Variants in CACNA1C observed in about 807,000 individuals in gnomAD.
The protein encoded by CACNA1C is calcium voltage-gated channel subunit alpha1 C, also known as voltage-dependent L-type calcium channel subunit alpha-1C.
In CACNA1C, 30 loss-of-function variants were observed where a neutral mutation model predicts 229.0. The observed-to-expected ratio is 0.13, with a 90% CI of 0.10 to 0.18. CACNA1C has a LOEUF of 0.18. CACNA1C is among the 10% of genes least tolerant of loss of function. The pLI is 1.00. For missense variants in CACNA1C, 1,658 were observed against 2,845.0 expected, an observed-to-expected ratio of 0.58 and a Z score of 9.49; for synonymous variants, 1,114 against 1,132.5, an observed-to-expected ratio of 0.98 and a Z score of 0.33.
At position 2,486,363 on chromosome 12, in the gene CACNA1C, G is replaced by A. The variant is rs1007966014; in HGVS notation, c.916+101G>A. Reference sequence around the variant, plus strand: ...ACCAACATGACCAGCAGAGCCCAGGGAAGGCCCCATTCATTCAGACACACA... The same window carrying A: ...ACCAACATGACCAGCAGAGCCCAGGAAAGGCCCCATTCATTCAGACACACA... On this transcript the variant is annotated intron_variant, in intron 6 of 46. Transcript: ENST00000399655. This position sits in a 1 kb window ranked among gnomAD's most constrained non-coding sequence, Gnocchi z 4.9. 8.4e-6 allele frequency: 8 copies of A among 957,172 alleles called. No homozygotes were observed. The highest frequency in any genetic ancestry group is 1.6e-5 in the African/African-American group (1 of 61,356). 59.3% of individuals were successfully genotyped at this position (957,172 alleles called of 1,614,324 possible).
At position 2,397,519 on chromosome 12, in the gene CACNA1C, C is replaced by A. The variant is rs147252434; in HGVS notation, c.478-51457C>A. ...GAGGCGGCACCTACATTCAGACTCT[C>A]ATTGCTCTTGATTGACTGGGTGGCC... On this transcript the variant is annotated intron_variant, in intron 3 of 46. Transcript: ENST00000399655. 4.1e-4 allele frequency among the ~76,000 whole-genome samples: 63 copies of A among 152,264 alleles called. 1 individual carries two copies. Among genetic ancestry groups the A allele is most frequent in the Non-Finnish European group, 1.8e-4 (12 of 68,046 alleles).
At chr12:2,684,363 A>C (rs16929915) in intron 43 of CACNA1C, among the ~76,000 whole-genome samples, 3,086 of 152,322 alleles carry the variant, frequency 0.02, 107 homozygotes, top group African/African-American at 0.069. Flanking sequence ...AAACACGGTC[A>C]ATATAAAAAA....
At chr12:2,064,286 T>G (rs1020543447) in intron 1 of CACNA1C, among the ~76,000 whole-genome samples, 1 of 152,248 alleles carries the variant, frequency 6.6e-6, no homozygotes, top group Non-Finnish European at 1.5e-5. Context: ...TTAGTCTGTC[T>G]CTGTCTCTCC....
intron 3 of CACNA1C, among the ~76,000 whole-genome samples, chr12:2,185,643 G>A (rs2154289495): frequency 6.6e-6 from 1 of 152,330 alleles, no homozygotes; most frequent in Non-Finnish European, 1.5e-5. Context: ...GCAACTGCAA[G>A]CCATGGCGGG....
chr12:2,149,168 A>G (rs1241235962), intron 3 of CACNA1C, among the ~76,000 whole-genome samples: 1 of 152,158 alleles, frequency 6.6e-6, no homozygotes, highest in Non-Finnish European at 1.5e-5. Flanking sequence ...GAACTCACAA[A>G]GGATGTTGAG....
At chr12:2,650,146 T>C (rs2094797012) in intron 31 of CACNA1C, among the ~76,000 whole-genome samples, 1 of 152,054 alleles carries the variant, frequency 6.6e-6, no homozygotes, top group South Asian at 2.1e-4. Context: ...ATAAGAAATA[T>C]TTTTGCTCTT....
chr12:2,256,091 C>CCTGACCTTACTAGTTTACAATCACACGA (rs1308467043), intron 3 of CACNA1C, among the ~76,000 whole-genome samples: 2 of 2,954 alleles, frequency 6.8e-4, no homozygotes, highest in African/African-American at 2.2e-3. Context: ...ACAATCACAC[C>CCTGACCTTACTAGTTTACAATCACACGA]TCCTGTTTCT....
chr12:2,404,644 T>C (rs2098715719), intron 3 of CACNA1C, among the ~76,000 whole-genome samples: 1 of 152,180 alleles, frequency 6.6e-6, no homozygotes, highest in South Asian at 2.1e-4. Context: ...CCCAGCCAGA[T>C]GCATGGGGGG....
chr12:2,684,202 T>C (rs1569256068), intron 43 of CACNA1C, among the ~76,000 whole-genome samples: 1 of 152,070 alleles, frequency 6.6e-6, no homozygotes, highest in Non-Finnish European at 1.5e-5. Context: ...TTCCCCAGCA[T>C]AGAAAGAAGA....
intron 3 of CACNA1C, among the ~76,000 whole-genome samples, chr12:2,416,268 T>C (rs2098897815): frequency 6.6e-6 from 1 of 152,144 alleles, no homozygotes; most frequent in African/African-American, 2.4e-5. Context: ...CTTCTCTTGT[T>C]CCCCACTCTA....
At chr12:2,113,917 G>A (rs1403307932) in intron 1 of CACNA1C, among the ~76,000 whole-genome samples, 1 of 152,330 alleles carries the variant, frequency 6.6e-6, no homozygotes, top group Middle Eastern at 3.4e-3. Flanking sequence ...CTGTCCCTGC[G>A]CAGGTTGGAG....
intron 8 of CACNA1C, among the ~76,000 whole-genome samples, chr12:2,507,299 G>A (rs2099773997): frequency 1.3e-5 from 2 of 152,130 alleles, no homozygotes; most frequent in African/African-American, 2.4e-5. Context: ...AAAGATGTGT[G>A]TATGGGCGAG....
At chr12:2,537,611 TA>T (rs1383190732) in intron 9 of CACNA1C, among the ~76,000 whole-genome samples, 1 of 152,236 alleles carries the variant, frequency 6.6e-6, no homozygotes, top group Non-Finnish European at 1.5e-5. Flanking sequence ...TTTCCAATCA[TA>T]CCACGTGGGT....
chr12:2,620,917 A>G (rs926213808), intron 29 of CACNA1C, among the ~76,000 whole-genome samples: 1 of 152,230 alleles, frequency 6.6e-6, no homozygotes, highest in African/African-American at 2.4e-5. Flanking sequence ...CCCGGAAAAG[A>G]AAGTCGGAAT....
At chr12:2,510,882 C>G (rs1465235735) in intron 8 of CACNA1C, among the ~76,000 whole-genome samples, 1 of 152,142 alleles carries the variant, frequency 6.6e-6, no homozygotes, top group East Asian at 1.9e-4. Context: ...AGGTTACTGT[C>G]TCCAGGAGCA....
intron 3 of CACNA1C, among the ~76,000 whole-genome samples, chr12:2,226,139 A>G (rs988719476): frequency 2.4e-4 from 35 of 144,782 alleles, no homozygotes; most frequent in African/African-American, 8.9e-4. Flanking sequence ...ACACACACAC[A>G]CACACACACA....
intron 1 of CACNA1C, chr12:2,004,557 C>G: frequency 1.5e-6 from 2 of 1,359,782 alleles, no homozygotes; most frequent in Non-Finnish European, 2.0e-6. Flanking sequence ...CCTTCCGGCT[C>G]CAGTCACCCC....
At chr12:2,092,454 G>A (rs1045495647) in intron 1 of CACNA1C, among the ~76,000 whole-genome samples, 1 of 152,172 alleles carries the variant, frequency 6.6e-6, no homozygotes, top group East Asian at 1.9e-4. Flanking sequence ...ACTGGCATGG[G>A]CATCCGTATT....
chr12:2,645,833 C>T (rs944733031), intron 30 of CACNA1C, among the ~76,000 whole-genome samples: 7 of 152,206 alleles, frequency 4.6e-5, no homozygotes, highest in Admixed American at 1.3e-4. Context: ...GTCCTAGCTA[C>T]TCAAAAATGC....
Sources: allele counts gnomAD v4.1 joint callset (sites outside exome capture counted in the v4.1 genomes callset), GRCh38; gene constraint gnomAD v4.1.1; non-coding constraint Gnocchi (gnomAD v3.1); transcripts MANE v1.5; gene names NCBI Gene and HGNC (gene_info 2026-07-23, HGNC 2026-07-21).